The following BTD variants were observed in gnomAD, a reference collection of about 807,000 sequenced individuals.
BTD encodes the protein biocytinase.
BTD carries 13 observed loss-of-function variants against 17.7 expected under a neutral mutation model. The ratio of observed to expected loss-of-function variants is 0.74; its 90% CI spans 0.48 to 1.17. The LOEUF is 1.17. BTD is among the 50% of genes most tolerant of loss of function. The pLI is 0.00. For synonymous variants in BTD, 240 were observed against 245.2 expected (o/e 0.98, Z 0.20); for missense variants, 674 against 650.4 (o/e 1.04, Z -0.39).
At chr3:15,642,141 A>G in intron 3 of BTD, 84 bp downstream of exon 3, 2 of 1,576,424 alleles carry the variant, frequency 1.3e-6, no homozygotes, top group Admixed American at 1.8e-5. Context: ...CATGTTAACT[A>G]AGATTGATAG....
At chr3:15,640,669 G>A (rs994812441) in intron 2 of BTD, among the ~76,000 whole-genome samples, 57 of 152,152 alleles carry the variant, frequency 3.7e-4, no homozygotes, top group African/African-American at 1.4e-3. Flanking sequence ...GGGATTACAG[G>A]CGTGAACTGC....
chr3:15,661,647 G>T (rs568979896), intron 3 of BTD, among the ~76,000 whole-genome samples: 1 of 152,256 alleles, frequency 6.6e-6, no homozygotes, highest in South Asian at 2.1e-4. Flanking sequence ...TTTAAAAATT[G>T]TAATGAAGTC....
At chr3:15,658,305 G>C (rs1482632298), downstream of BTD, among the ~76,000 whole-genome samples, 1 of 152,200 alleles carries the variant, frequency 6.6e-6, no homozygotes, top group Non-Finnish European at 1.5e-5. Context: ...ACAAAGCCCT[G>C]TTCTGCGTGG....
At position 15,645,081 on chromosome 3, in the gene BTD, TGGGGAAAG is replaced by T; in HGVS notation, c.1167_1174del (p.Trp389Ter). 5.0e-6 allele frequency: 8 copies of T among 1,614,098 alleles called. No individual in the cohort carries two copies. The Admixed American group carries it at 1.2e-4, about 24-fold the overall frequency. The stretch of plus-strand genomic sequence containing the variant: ...TGACAATTTCACCCTGGTCCCTGTC[TGGGGAAAG>T]GAAGGCTATCTCCACGTCTGTTCCA... On this transcript the variant is annotated frameshift_variant, in exon 4 of 4. Coordinates refer to ENST00000643237, the MANE Select transcript of BTD (RefSeq NM_001370658.1). LOFTEE classifies it low-confidence loss of function (END_TRUNC).
chr3:15,604,421 G>C (rs1411214056), intron 1 of BTD, among the ~76,000 whole-genome samples: 1 of 152,246 alleles, frequency 6.6e-6, no homozygotes, highest in African/African-American at 2.4e-5. Context: ...GCTGCAAACA[G>C]CAGGGGGACC....
chr3:15,654,605 T>G (rs1323300376), downstream of BTD, among the ~76,000 whole-genome samples: 5 of 152,210 alleles, frequency 3.3e-5, no homozygotes, highest in Non-Finnish European at 5.9e-5. Context: ...TCCTTTTTTT[T>G]GTTTTTGAGA....
At chr3:15,685,673 C>A (rs2068027668) in intron 3 of BTD, among the ~76,000 whole-genome samples, 1 of 151,932 alleles carries the variant, frequency 6.6e-6, no homozygotes, top group Non-Finnish European at 1.5e-5. Context: ...AAGAGAGAAA[C>A]TTGGTATTCA....
In BTD at chr3:15,648,563, T is replaced by C. The variant is rs2065745057; in HGVS notation, c.*3075T>C. 6.6e-6 allele frequency among the ~76,000 whole-genome samples: 1 copy of C among 152,212 alleles called. No homozygotes were observed. Among genetic ancestry groups the C allele is most frequent in the African/African-American group, 2.4e-5 (1 of 41,460 alleles). On this transcript the variant is annotated 3_prime_UTR_variant, in exon 4 of 4. Transcript: ENST00000643237. ...CAGGAAAGCGGGTCTCTCATGAGGC[T>C]ACAGTCAAGATGTCAGCCGAGGTGA...
At chr3:15,720,496 T>C (rs1392105961) in intron 4 of BTD, among the ~76,000 whole-genome samples, 2 of 152,222 alleles carry the variant, frequency 1.3e-5, no homozygotes, top group African/African-American at 4.8e-5. Context: ...AGTATTTTCC[T>C]TCTAAGAGAA....
At chr3:15,672,261 AG>A (rs2066450484) in intron 3 of BTD, among the ~76,000 whole-genome samples, 1 of 151,250 alleles carries the variant, frequency 6.6e-6, no homozygotes, top group Non-Finnish European at 1.5e-5. Flanking sequence ...CTCCCACCTC[AG>A]CCCCCTGACT....
At chr3:15,644,039 C>T (rs564149879) in intron 3 of BTD, among the ~76,000 whole-genome samples, 297 of 151,480 alleles carry the variant, frequency 2.0e-3, no homozygotes, top group African/African-American at 6.7e-3. Context: ...CTTGCTCTGT[C>T]GCCCAGGCTG....
At chr3:15,663,624 T>C (rs1324028099) in intron 3 of BTD, among the ~76,000 whole-genome samples, 1 of 152,214 alleles carries the variant, frequency 6.6e-6, no homozygotes, top group Non-Finnish European at 1.5e-5. Flanking sequence ...TGATATTCCT[T>C]TATTATCCTT....
At chr3:15,675,221 A>C (rs2066809881) in intron 3 of BTD, among the ~76,000 whole-genome samples, 1 of 152,168 alleles carries the variant, frequency 6.6e-6, no homozygotes, top group African/African-American at 2.4e-5. Context: ...CAGTAAGCCG[A>C]GATCATGGCA....
Position 15,635,780 on chromosome 3 carries a change from A to G in BTD, c.249+92A>G, listed in dbSNP as rs2065332609. 1.9e-6 allele frequency: 3 copies of G among 1,579,144 alleles called. No individual in the cohort carries two copies. Among genetic ancestry groups the G allele is most frequent in the East Asian group, 4.5e-5 (2 of 44,694 alleles). On this transcript the variant is annotated intron_variant, in intron 2 of 3. Coordinates refer to ENST00000643237, the MANE Select transcript of BTD (RefSeq NM_001370658.1). The surrounding 1 kb of genome is among the most constrained non-coding windows in gnomAD (Gnocchi z 4.1). ...GTGGTTGGGTAATCCCAGGCTTCCT[A>G]CCACCCTCTGAAAAAGCATCCAGGT...
intron 3 of BTD, among the ~76,000 whole-genome samples, chr3:15,701,622 CAAG>C (rs58571115): frequency 0.041 from 6,248 of 151,344 alleles, 414 homozygotes; most frequent in African/African-American, 0.14. Context: ...CCAGCCTGGG[CAAG>C]AAGATCAAAA....
downstream of BTD, among the ~76,000 whole-genome samples, chr3:15,654,092 A>G (rs1007499174): frequency 6.6e-6 from 1 of 152,258 alleles, no homozygotes; most frequent in Non-Finnish European, 1.5e-5. Context: ...AAATACACAC[A>G]CAACCCCCAA....
Position 15,645,286 on chromosome 3 carries a change from A to C in BTD, c.1370A>C (p.Glu457Ala). 6.2e-7 allele frequency: 1 copy of C among 1,614,212 alleles called. No individual in the cohort carries two copies. The highest frequency in any genetic ancestry group is 8.5e-7 in the Non-Finnish European group (1 of 1,180,034). ...GFDTCGQEIT[E>A]ATGIFEFHLW... ...GACACCTGTGGACAGGAAATCACAGAGGCCACGGGGATATTTGAGTTTCAC... is the reference window on the plus strand; with the variant it reads ...GACACCTGTGGACAGGAAATCACAGCGGCCACGGGGATATTTGAGTTTCAC... Residue 457 changes from glutamate to alanine, a missense_variant, in exon 4 of 4, where the codon GAG (glutamate) becomes GCG (alanine). Coordinates refer to ENST00000643237, the MANE Select transcript of BTD (RefSeq NM_001370658.1).
intron 4 of BTD, among the ~76,000 whole-genome samples, chr3:15,718,865 T>G (rs570379028): frequency 1.0e-3 from 153 of 152,348 alleles, no homozygotes; most frequent in Non-Finnish European, 1.7e-3. Context: ...ATTTTTGAAA[T>G]AGCCTAACTT....
intron 3 of BTD, chr3:15,689,975 T>C (rs993689484): frequency 6.9e-7 from 1 of 1,458,996 alleles, no homozygotes; most frequent in African/African-American, 1.4e-5. Flanking sequence ...AAAAAAAGTA[T>C]TGGATAGAAG....
Sources: allele counts gnomAD v4.1 joint callset (sites outside exome capture counted in the v4.1 genomes callset), GRCh38; gene constraint gnomAD v4.1.1; non-coding constraint Gnocchi (gnomAD v3.1); transcripts MANE v1.5; gene names NCBI Gene and HGNC (gene_info 2026-07-23, HGNC 2026-07-21).